SYNPR: variants seen among roughly 807,000 people sequenced by gnomAD.
SYNPR encodes synaptoporin.
Under a neutral mutation model 32.9 loss-of-function variants are expected in SYNPR, and 23 were observed. That is an observed-to-expected ratio of 0.70 (90% CI 0.50 to 0.99). SYNPR has a LOEUF of 0.99. Ranked by LOEUF, SYNPR falls within the 50% of genes least tolerant of loss-of-function variation. The pLI is 0.00. For synonymous variants in SYNPR, 146 were observed against 135.9 expected (o/e 1.07, Z -0.52); for missense variants, 318 against 349.3 (o/e 0.91, Z 0.71).
At chr3:63,484,461 G>A (rs1220040145) in intron 3 of SYNPR, among the ~76,000 whole-genome samples, 2 of 152,092 alleles carry the variant, frequency 1.3e-5, no homozygotes, top group East Asian at 3.9e-4. Context: ...GGAATGCCAA[G>A]TAACCTTTTG....
upstream of SYNPR, among the ~76,000 whole-genome samples, chr3:63,276,590 G>C (rs1168760458): frequency 3.3e-5 from 5 of 151,890 alleles, no homozygotes; most frequent in South Asian, 4.2e-4. Flanking sequence ...TACATGGTAG[G>C]GTACACACTA....
At chr3:63,408,015 T>C (rs917450817) in intron 2 of SYNPR, among the ~76,000 whole-genome samples, 2 of 151,700 alleles carry the variant, frequency 1.3e-5, no homozygotes, top group African/African-American at 4.8e-5. Context: ...GCTAGCATGG[T>C]TCCTTAATAT....
At chr3:63,327,643 G>A (rs970362676) in intron 2 of SYNPR, among the ~76,000 whole-genome samples, 11 of 152,024 alleles carry the variant, frequency 7.2e-5, no homozygotes, top group African/African-American at 2.4e-4. Context: ...CAACATGAAT[G>A]AATTTCACCC....
intron 2 of SYNPR, among the ~76,000 whole-genome samples, chr3:63,376,945 C>T (rs1373046434): frequency 1.3e-5 from 2 of 152,054 alleles, no homozygotes; most frequent in Admixed American, 6.6e-5. Flanking sequence ...CATAACAAAA[C>T]CTTAAAGAGT....
chr3:63,484,272 T>G (rs1701102638), intron 3 of SYNPR, among the ~76,000 whole-genome samples: 3 of 152,174 alleles, frequency 2.0e-5, no homozygotes, highest in Admixed American at 2.0e-4. Flanking sequence ...AATGAACAAC[T>G]ATTACTTAAC....
At chr3:63,243,092 T>C (rs893108079) in intron 1 of SYNPR, among the ~76,000 whole-genome samples, 4 of 152,056 alleles carry the variant, frequency 2.6e-5, no homozygotes, top group Non-Finnish European at 2.9e-5. Flanking sequence ...GCATCTAATA[T>C]ATGTCTAATG....
chr3:63,275,399 C>G (rs1404118302), upstream of SYNPR, among the ~76,000 whole-genome samples: 1 of 152,216 alleles, frequency 6.6e-6, no homozygotes, highest in Non-Finnish European at 1.5e-5. Context: ...AAAGCATCCT[C>G]TGACAATGTG....
rs74851480 is a variant in SYNPR at position 63,312,477 on chromosome 3, C to A, written c.84+33735C>A. 4.2e-3 allele frequency among the ~76,000 whole-genome samples: 638 copies of A among 152,056 alleles called. 4 individuals carry two copies. The highest frequency in any genetic ancestry group is 0.017 in the South Asian group (84 of 4,828). ...TTCAGTGGGGCTATTTCAAACACTGCCACATCTCTTTAAACTTCAGCTACA... is the reference window on the plus strand; with the variant it reads ...TTCAGTGGGGCTATTTCAAACACTGACACATCTCTTTAAACTTCAGCTACA... On this transcript the variant is annotated intron_variant, in intron 2 of 5. Coordinates refer to ENST00000478300, the MANE Select transcript of SYNPR (RefSeq NM_001130003.2).
intron 2 of SYNPR, among the ~76,000 whole-genome samples, chr3:63,324,657 T>A (rs565872751): frequency 1.3e-5 from 2 of 152,252 alleles, no homozygotes; most frequent in South Asian, 2.1e-4. Context: ...ATTGGGTTTA[T>A]AAATTACAAG....
chr3:63,259,568 G>A (rs1215241000), intron 2 of SYNPR, among the ~76,000 whole-genome samples: 14 of 152,168 alleles, frequency 9.2e-5, no homozygotes, highest in South Asian at 4.1e-4. Flanking sequence ...TTGATGGGAC[G>A]TATCTCAAAA....
chr3:63,314,516 G>A (rs2087020353), intron 2 of SYNPR, among the ~76,000 whole-genome samples: 1 of 151,608 alleles, frequency 6.6e-6, no homozygotes, highest in Non-Finnish European at 1.5e-5. Context: ...TTGGCCATTT[G>A]TATATCTTCT....
intron 4 of SYNPR, among the ~76,000 whole-genome samples, chr3:63,586,759 G>A (rs2106870163): frequency 6.6e-6 from 1 of 151,406 alleles, no homozygotes; most frequent in East Asian, 2.0e-4. Context: ...AGGCTCTAGG[G>A]ACACAGGTGA....
chr3:63,236,774 G>A (rs2086203741), intron 1 of SYNPR, among the ~76,000 whole-genome samples: 1 of 152,060 alleles, frequency 6.6e-6, no homozygotes, highest in Admixed American at 6.6e-5. Flanking sequence ...GGTTATTTGG[G>A]AGTTTTATGT....
intron 2 of SYNPR, among the ~76,000 whole-genome samples, chr3:63,431,020 T>C (rs1253602528): frequency 6.6e-6 from 1 of 152,146 alleles, no homozygotes; most frequent in African/African-American, 2.4e-5. Context: ...CAGAGTGAGA[T>C]ATGGGCATTT....
In SYNPR at chr3:63,413,493, G is replaced by A. The variant is rs78848168; in HGVS notation, c.85-67339G>A. ...AGCTTATTTGATCCACATAAAAAGC[G>A]AGATAGGAAATCAAGTTTCTGCTAG... On this transcript the variant is annotated intron_variant, in intron 2 of 5. Coordinates refer to ENST00000478300, the MANE Select transcript of SYNPR (RefSeq NM_001130003.2). Among the ~76,000 whole-genome samples, 824 of 152,264 alleles carry A rather than the reference G, an allele frequency of 5.4e-3. 10 individuals carry two copies. Among genetic ancestry groups the A allele is most frequent in the African/African-American group, 0.019 (796 of 41,554 alleles).
rs1575586084 is a variant in SYNPR at position 63,284,913 on chromosome 3, C to T, written c.84+6171C>T. Among the ~76,000 whole-genome samples the T allele has an allele frequency of 2.0e-5, 3 of 152,256 alleles. 1 individual carries two copies. In the South Asian group the frequency reaches 6.2e-4, roughly 32 times the overall value. On this transcript the variant is annotated intron_variant, in intron 2 of 5. Transcript: ENST00000478300. ...GTTGAATCTGTGTAACTTTAACATT[C>T]CCGTTTCTCCAGGAGGCTCAAAGAT...
chr3:63,346,411 T>C (rs952225295), intron 2 of SYNPR, among the ~76,000 whole-genome samples: 16 of 152,186 alleles, frequency 1.1e-4, no homozygotes, highest in African/African-American at 3.9e-4. Context: ...ACTGTATTTG[T>C]TCCTTGCAAC....
intron 2 of SYNPR, among the ~76,000 whole-genome samples, chr3:63,258,789 T>G (rs186983260): frequency 4.6e-5 from 7 of 152,260 alleles, no homozygotes; most frequent in Admixed American, 4.6e-4. Flanking sequence ...CAGGAGCTGG[T>G]TTTTTGAAAA....
chr3:63,580,837 C>T (rs975798557), intron 4 of SYNPR, among the ~76,000 whole-genome samples: 9 of 152,134 alleles, frequency 5.9e-5, no homozygotes, highest in Non-Finnish European at 8.8e-5. Context: ...ATAACGTTAA[C>T]GGTTTACATA....
Sources: allele counts gnomAD v4.1 joint callset (sites outside exome capture counted in the v4.1 genomes callset), GRCh38; gene constraint gnomAD v4.1.1; transcripts MANE v1.5; gene names NCBI Gene and HGNC (gene_info 2026-07-23, HGNC 2026-07-21).